The following C11orf65 variants were observed in gnomAD, a reference collection of about 807,000 sequenced individuals.
C11orf65 encodes protein MFI.
In C11orf65, 38 loss-of-function variants were observed where a neutral mutation model predicts 35.3. The observed-to-expected ratio is 1.08, with a 90% CI of 0.83 to 1.41. The LOEUF is 1.41. Among genes scored for constraint, C11orf65 ranks in the 40% most tolerant of loss-of-function variants. The pLI, the probability that C11orf65 is intolerant of heterozygous loss-of-function variation, is 0.00. For synonymous variants in C11orf65, 105 were observed against 114.4 expected (o/e 0.92, Z 0.53); for missense variants, 370 against 367.1 (o/e 1.01, Z -0.06).
chr11:108,384,445 G>C (rs1026983004), intron 8 of C11orf65, among the ~76,000 whole-genome samples: 5 of 152,102 alleles, frequency 3.3e-5, no homozygotes, highest in South Asian at 4.1e-4. Context: ...TCTTTTACTA[G>C]TGAAGAAACC....
chr11:108,406,355 C>G lies in C11orf65; in HGVS notation c.429+408G>C, dbSNP rs542082123. 6.1e-4 allele frequency among the ~76,000 whole-genome samples: 93 copies of G among 152,174 alleles called. 1 individual carries two copies. The highest frequency in any genetic ancestry group is 4.6e-3 in the Admixed American group (70 of 15,268). On this transcript the variant is annotated intron_variant, in intron 5 of 8. Coordinates refer to ENST00000393084, the MANE Select transcript of C11orf65 (RefSeq NM_152587.5). ...GTTAGTTTGTTTTTTGAGACAGAGT[C>G]TCACTCTGTCGCCCAGGCTGAAGTG...
rs1433554922 is a variant in C11orf65 at position 108,325,377 on chromosome 11, G to A, written c.641-16306C>T. Reference sequence around the variant, plus strand: ...GCAGAAACACTCCCAGCTTCTCAAGGACAGTGATTTTAGTTTTCAGGAGCC... The same window carrying A: ...GCAGAAACACTCCCAGCTTCTCAAGAACAGTGATTTTAGTTTTCAGGAGCC... On this transcript the variant is annotated intron_variant, in intron 6 of 6. Transcript: ENST00000525729. 1 of 1,613,094 alleles carries A rather than the reference G, an allele frequency of 6.2e-7. No homozygotes were observed.
In C11orf65 at chr11:108,315,903, C is replaced by T. The variant is rs1060504316; in HGVS notation, c.641-6832G>A. The T allele has an allele frequency of 3.7e-6, 6 of 1,610,802 alleles. No homozygotes were observed. Among genetic ancestry groups the T allele is most frequent in the East Asian group, 4.5e-5 (2 of 44,856 alleles). ...GTGGTGGAGGGAAGATGTTACAACC[C>T]ATTACTAGGTAAATTGCATTTTTCT... is the stretch of plus-strand genomic sequence containing the variant. On this transcript the variant is annotated intron_variant, in intron 6 of 6. Transcript: ENST00000525729.
intron 3 of C11orf65, among the ~76,000 whole-genome samples, chr11:108,419,899 AG>A (rs1383256845): frequency 6.6e-6 from 1 of 152,240 alleles, no homozygotes; most frequent in Non-Finnish European, 1.5e-5. Context: ...TGAAGGCTCT[AG>A]CCAGTGTATA....
intron 3 of C11orf65, among the ~76,000 whole-genome samples, chr11:108,420,933 A>C (rs2092807201): frequency 6.6e-6 from 1 of 152,130 alleles, no homozygotes; most frequent in Non-Finnish European, 1.5e-5. Flanking sequence ...AATAGACTTT[A>C]AAAATATGTT....
chr11:108,383,657 G>C (rs1036320389), intron 8 of C11orf65, among the ~76,000 whole-genome samples: 1 of 152,132 alleles, frequency 6.6e-6, no homozygotes, highest in South Asian at 2.1e-4. Flanking sequence ...ATCTGCTCTG[G>C]ATTTACCTTC....
rs2091897009 is a variant in C11orf65, at chr11:108,383,003, GAATAGA to G, written c.*12_*17del. 1 of 1,610,534 alleles carries G rather than the reference GAATAGA, an allele frequency of 6.2e-7. No individual in the cohort carries two copies. Among genetic ancestry groups the G allele is most frequent in the Non-Finnish European group, 8.5e-7 (1 of 1,178,888 alleles). ...GGAAGGCTCAAAGGGCTATAACTCA[GAATAGA>G]AATAAAGTACTTTATAGTCCATAAG... On this transcript the variant is annotated 3_prime_UTR_variant, in exon 9 of 9. Coordinates refer to ENST00000393084, the MANE Select transcript of C11orf65 (RefSeq NM_152587.5).
rs1591569258 is a variant in C11orf65, at chr11:108,443,353, T to C, written c.82-11515A>G. ...GTCCTGAGTGACCTACAAAGAGACT[T>C]AGACTCCCACACAATAATAATAGGA... On this transcript the variant is annotated intron_variant, in intron 2 of 8. Transcript: ENST00000393084. Among the ~76,000 whole-genome samples the C allele has an allele frequency of 2.6e-5, 4 of 152,210 alleles. No individual in the cohort carries two copies. In the South Asian group the frequency reaches 8.3e-4, roughly 32 times the overall value.
At chr11:108,464,422 C>T (rs187558468) in intron 1 of C11orf65, among the ~76,000 whole-genome samples, 13 of 151,898 alleles carry the variant, frequency 8.6e-5, no homozygotes, top group Middle Eastern at 3.4e-3. Context: ...TTAGCCTCCC[C>T]GCGATTTCCA....
At chr11:108,390,677 T>C (rs2092139129) in intron 7 of C11orf65, among the ~76,000 whole-genome samples, 2 of 152,120 alleles carry the variant, frequency 1.3e-5, no homozygotes, top group African/African-American at 4.8e-5. Context: ...CTCAGCAATT[T>C]TTACTCTTAG....
At chr11:108,437,759 A>G (rs1192700738) in intron 2 of C11orf65, among the ~76,000 whole-genome samples, 2 of 151,100 alleles carry the variant, frequency 1.3e-5, no homozygotes, top group Non-Finnish European at 3.0e-5. Context: ...ATTAAACGGA[A>G]AAACACCCCA....
intron 6 of C11orf65, among the ~76,000 whole-genome samples, chr11:108,402,910 GTTCA>G (rs1435254201): frequency 6.6e-6 from 1 of 152,170 alleles, no homozygotes; most frequent in Non-Finnish European, 1.5e-5. Flanking sequence ...TCTATCAGTA[GTTCA>G]TTCTGTTGTA....
At position 108,354,829 on chromosome 11, in the gene C11orf65, G is replaced by A. The variant is rs772621438; in HGVS notation, c.227-19537C>T. On this transcript the variant is annotated intron_variant, in intron 2 of 3. Transcript: ENST00000524755. ...ACTCTAGATGCTGTGAGAAAACCATGGAAGTGATGAGAAACTCTCAGGAAA... is the reference window on the plus strand; with the variant it reads ...ACTCTAGATGCTGTGAGAAAACCATAGAAGTGATGAGAAACTCTCAGGAAA... 13 of 1,613,684 alleles carry A rather than the reference G, an allele frequency of 8.1e-6. No homozygotes were observed. In the East Asian group the frequency reaches 2.7e-4, roughly 33 times the overall value.
chr11:108,385,684 A>G (rs1228274727), intron 8 of C11orf65, among the ~76,000 whole-genome samples: 2 of 150,432 alleles, frequency 1.3e-5, no homozygotes, highest in Non-Finnish European at 3.0e-5. Flanking sequence ...TCCGTCTCAA[A>G]AAAAAAAAAA....
At chr11:108,317,539 A>AC in intron 6 of C11orf65, 3 of 1,318,260 alleles carry the variant, frequency 2.3e-6, no homozygotes, top group Non-Finnish European at 3.1e-6. Context: ...ATTTGACTTG[A>AC]TTTTTTTTTT....
Position 108,383,071 on chromosome 11 carries a change from G to T in C11orf65, c.892C>A (p.Gln298Lys). The part of the protein sequence containing the change: ...PDDTYYENVY[Q>K]EPNVTRLTPD... ...GTTAATCTAGTTACATTTGGTTCTT[G>T]ATAAACATTTTCATAGTAAGTATCA... Residue 298 changes from glutamine (Q) to lysine (K), a missense_variant, in exon 9 of 9, where the codon CAA (glutamine) becomes AAA (lysine). Gln to Lys is a moderately conservative substitution (Grantham distance 53). Transcript: ENST00000393084. 6.2e-7 allele frequency: 1 copy of T among 1,611,740 alleles called. No individual in the cohort carries two copies. Among genetic ancestry groups the T allele is most frequent in the East Asian group, 2.2e-5 (1 of 44,786 alleles).
In C11orf65 at chr11:108,331,427, CT is replaced by C. The variant is rs573494809; in HGVS notation, c.*122del. 43 of 1,598,070 alleles carry C rather than the reference CT, an allele frequency of 2.7e-5. No homozygotes were observed. Among genetic ancestry groups the C allele is most frequent in the South Asian group, 8.9e-5 (8 of 89,608 alleles). ...AATACCTTGTTTCTTAATTTTGTGTCTTTTTTTTAATGGTAGAGAGACGGAA... is the reference window on the plus strand; with the variant it reads ...AATACCTTGTTTCTTAATTTTGTGTCTTTTTTTAATGGTAGAGAGACGGAA... On this transcript the variant is annotated 3_prime_UTR_variant, in exon 4 of 4. Transcript: ENST00000524755.
chr11:108,462,906 G>A (rs991830372), intron 1 of C11orf65, among the ~76,000 whole-genome samples: 3 of 152,150 alleles, frequency 2.0e-5, no homozygotes, highest in Non-Finnish European at 4.4e-5. Flanking sequence ...GATTTCTTGA[G>A]GCCAGGAGTT....
chr11:108,376,196 C>T (rs1436780942), intron 2 of C11orf65, among the ~76,000 whole-genome samples: 4 of 151,950 alleles, frequency 2.6e-5, no homozygotes, highest in Middle Eastern at 3.2e-3. Flanking sequence ...CTTTTCAGCA[C>T]CACACCTATT....
Sources: allele counts gnomAD v4.1 joint callset (sites outside exome capture counted in the v4.1 genomes callset), GRCh38; gene constraint gnomAD v4.1.1; transcripts MANE v1.5; gene names NCBI Gene and HGNC (gene_info 2026-07-23, HGNC 2026-07-21).